HIPK3: variants seen among roughly 807,000 people sequenced by gnomAD.
The protein encoded by HIPK3 is homeodomain-interacting protein kinase 3.
HIPK3 carries 47 observed loss-of-function variants against 124.2 expected under a neutral mutation model. The ratio of observed to expected loss-of-function variants is 0.38; its 90% CI spans 0.30 to 0.48. The LOEUF (loss-of-function observed/expected upper bound fraction) is 0.48. HIPK3 is among the 20% of genes least tolerant of loss of function. The probability of loss-of-function intolerance (pLI) is 0.98; values close to 1 mark genes in which losing one functional copy is unlikely to be tolerated. For synonymous variants in HIPK3, 482 were observed against 515.2 expected (o/e 0.94, Z 0.87); for missense variants, 1,286 against 1,454.3 (o/e 0.88, Z 1.88).
chr11:33,268,696 C>T (rs185644692), intron 1 of HIPK3, among the ~76,000 whole-genome samples: 10 of 151,026 alleles, frequency 6.6e-5, no homozygotes, highest in East Asian at 2.0e-4. Flanking sequence ...AGAAAATTTT[C>T]GGGAGTGTTT....
At chr11:33,325,001 C>A (rs1365643885) in intron 2 of HIPK3, among the ~76,000 whole-genome samples, 1 of 152,192 alleles carries the variant, frequency 6.6e-6, no homozygotes, top group East Asian at 1.9e-4. Context: ...AGTTAAAACT[C>A]TTTTGTATTT....
intron 1 of HIPK3, among the ~76,000 whole-genome samples, chr11:33,267,144 A>G (rs537374750): frequency 1.1e-4 from 16 of 151,102 alleles, no homozygotes; most frequent in African/African-American, 3.6e-4. Context: ...TTTTTTTGAG[A>G]CGGGGTCTTG....
chr11:33,307,709 AGT>A (rs936909684), intron 2 of HIPK3, among the ~76,000 whole-genome samples: 3 of 151,254 alleles, frequency 2.0e-5, no homozygotes, highest in African/African-American at 4.9e-5. Context: ...CCTGGCCTAA[AGT>A]GTGTTTTGAC....
chr11:33,278,267 T>C (rs1213656078), intron 1 of HIPK3, among the ~76,000 whole-genome samples: 1 of 152,178 alleles, frequency 6.6e-6, no homozygotes, highest in Non-Finnish European at 1.5e-5. Flanking sequence ...ATAATTTTAC[T>C]AGAAAGAGGA....
intron 2 of HIPK3, among the ~76,000 whole-genome samples, chr11:33,303,557 A>G (rs544801205): frequency 6.6e-6 from 1 of 152,218 alleles, no homozygotes; most frequent in South Asian, 2.1e-4. Flanking sequence ...AAAAGTGCAT[A>G]TAGCTTCATG....
intron 2 of HIPK3, among the ~76,000 whole-genome samples, chr11:33,325,129 G>T (rs1852773285): frequency 6.6e-6 from 1 of 152,162 alleles, no homozygotes; most frequent in Admixed American, 6.5e-5. Flanking sequence ...CTGTATTCTT[G>T]TTGTCACCAT....
intron 2 of HIPK3, among the ~76,000 whole-genome samples, chr11:33,313,549 G>A (rs1036625730): frequency 6.6e-6 from 1 of 152,132 alleles, no homozygotes; most frequent in Admixed American, 6.6e-5. Flanking sequence ...GGCAAATGGA[G>A]TAAAGTGTTA....
intron 2 of HIPK3, among the ~76,000 whole-genome samples, chr11:33,311,116 T>C (rs1852323062): frequency 6.6e-6 from 1 of 152,242 alleles, no homozygotes; most frequent in Non-Finnish European, 1.5e-5. Flanking sequence ...TTCTCTTTAC[T>C]CTGGGATTTT....
chr11:33,327,283 C>G (rs1180852969), intron 2 of HIPK3, among the ~76,000 whole-genome samples: 1 of 152,098 alleles, frequency 6.6e-6, no homozygotes, highest in Non-Finnish European at 1.5e-5. Flanking sequence ...AAAACATGAT[C>G]ACTTCTGTGA....
intron 1 of HIPK3, among the ~76,000 whole-genome samples, chr11:33,261,074 C>A (rs989013252): frequency 6.9e-6 from 1 of 145,528 alleles, no homozygotes; most frequent in Non-Finnish European, 1.5e-5. Flanking sequence ...TTTTGTGATA[C>A]CGGTGTAAGT....
intron 1 of HIPK3, among the ~76,000 whole-genome samples, chr11:33,275,648 C>G (rs1319995030): frequency 2.0e-5 from 3 of 152,168 alleles, no homozygotes; most frequent in African/African-American, 7.2e-5. Context: ...TAGAGCCTTG[C>G]ATAGACTGGC....
chr11:33,257,642 G>C lies in HIPK3; in HGVS notation c.-250G>C. ...AATCCCCGGGAAGGAAGATGAGGGAGACGGGCCCGGCGCTTAGCAGCCAGA... is the reference window on the plus strand; with the variant it reads ...AATCCCCGGGAAGGAAGATGAGGGACACGGGCCCGGCGCTTAGCAGCCAGA... On this transcript the variant is annotated 5_prime_UTR_variant, in exon 1 of 17. Coordinates refer to ENST00000303296, the MANE Select transcript of HIPK3 (RefSeq NM_005734.5). The C allele has an allele frequency of 1.0e-6, 1 of 990,904 alleles. No individual in the cohort carries two copies. The highest frequency in any genetic ancestry group is 1.2e-6 in the Non-Finnish European group (1 of 833,754). 61.4% of individuals were successfully genotyped at this position (990,904 alleles called of 1,614,324 possible).
Position 33,353,532 on chromosome 11 carries a change from G to T in HIPK3, c.3612G>T (p.Leu1204=). The change falls in exon 17 of 17, where the codon CTG becomes CTT. Residue 1204 remains leucine (L), a synonymous_variant. Transcript: ENST00000303296. The part of the protein sequence containing the change: ...AASPAYTGFP[L]SPTKLSQYPY... ...CACCTGCATATACTGGATTTCCACTGAGTCCAACAAAACTCAGCCAGTATC... is the reference window on the plus strand; with the variant it reads ...CACCTGCATATACTGGATTTCCACTTAGTCCAACAAAACTCAGCCAGTATC... 6.2e-7 allele frequency: 1 copy of T among 1,613,218 alleles called. No homozygotes were observed. Among genetic ancestry groups the T allele is most frequent in the South Asian group, 1.1e-5 (1 of 91,060 alleles).
rs1853792862 is a variant in HIPK3, at chr11:33,355,550, C to A, written c.*1982C>A. 6.6e-6 allele frequency: 1 copy of A among 151,940 alleles called. No individual in the cohort carries two copies. Among genetic ancestry groups the A allele is most frequent in the Admixed American group, 6.6e-5 (1 of 15,246 alleles). The allele number at this position is 151,940 out of a possible 1,614,324, so 9.4% of individuals were successfully genotyped here. On this transcript the variant is annotated 3_prime_UTR_variant, in exon 17 of 17. Transcript: ENST00000303296. ...TAGATGTTTTGGATTTACAGCGTTT[C>A]TTTGATAAATGAATTGTATACCACT... is the stretch of plus-strand genomic sequence containing the variant.
At chr11:33,322,377 C>T (rs1852690467) in intron 2 of HIPK3, among the ~76,000 whole-genome samples, 1 of 152,118 alleles carries the variant, frequency 6.6e-6, no homozygotes, top group African/African-American at 2.4e-5. Flanking sequence ...ATGCATGATC[C>T]ATGTTCTTTT....
In HIPK3 at chr11:33,308,342, T is replaced by TG. The variant is rs529732093; in HGVS notation, c.1098-20168_1098-20167insG. Among the ~76,000 whole-genome samples, 132 of 152,294 alleles carry TG rather than the reference T, an allele frequency of 8.7e-4. 1 individual carries two copies. The highest frequency in any genetic ancestry group is 4.6e-3 in the South Asian group (22 of 4,826). On this transcript the variant is annotated intron_variant, in intron 2 of 16. Coordinates refer to ENST00000303296, the MANE Select transcript of HIPK3 (RefSeq NM_005734.5). Reference sequence around the variant, plus strand: ...TCCTGATTGTTCTTCAAGGGCCTATTTTTTTGTCCTTTGCATTCTAGGTGA... The same window carrying TG: ...TCCTGATTGTTCTTCAAGGGCCTATTGTTTTTGTCCTTTGCATTCTAGGTGA...
intron 2 of HIPK3, among the ~76,000 whole-genome samples, chr11:33,303,150 T>A (rs1285387415): frequency 6.6e-6 from 1 of 152,168 alleles, no homozygotes; most frequent in East Asian, 1.9e-4. Flanking sequence ...CCCACGGACA[T>A]CAAAATCCAC....
At chr11:33,269,023 A>G (rs1298587063) in intron 1 of HIPK3, among the ~76,000 whole-genome samples, 2 of 152,186 alleles carry the variant, frequency 1.3e-5, no homozygotes, top group South Asian at 2.1e-4. Flanking sequence ...TATGTTCCCT[A>G]AAGTGTATAA....
In HIPK3 at chr11:33,343,281, G is replaced by GTGTA. The variant is rs1554968552; in HGVS notation, c.1897+1598_1897+1599insATGT. On this transcript the variant is annotated intron_variant, in intron 8 of 16. Transcript: ENST00000303296. ...TGTGTGTGTGTGTGTGTGTGTGTGT[G>GTGTA]TGTGTGTGTCTTTTTTTGAGATAGT... Among the ~76,000 whole-genome samples the GTGTA allele has an allele frequency of 6.7e-3, 1,001 of 150,490 alleles. 11 individuals are homozygous for GTGTA. The highest frequency in any genetic ancestry group is 0.024 in the African/African-American group (956 of 40,386).
Sources: gnomAD v4.1 joint callset for allele counts (sites outside exome capture counted in the v4.1 genomes callset) on GRCh38, gnomAD v4.1.1 for gene constraint, MANE v1.5 for transcripts, NCBI Gene and HGNC (gene_info 2026-07-23, HGNC 2026-07-21) for gene names.